The following ZCCHC7 variants were observed in gnomAD, a reference collection of about 807,000 sequenced individuals.
ZCCHC7 encodes zinc finger CCHC domain-containing protein 7.
A neutral mutation model predicts 52.0 loss-of-function variants in ZCCHC7; 35 were observed. That is an observed-to-expected ratio of 0.67 (90% CI 0.51 to 0.89). The LOEUF (loss-of-function observed/expected upper bound fraction) is 0.89. Among genes scored for constraint, ZCCHC7 ranks in the 40% least tolerant of loss-of-function variants. The probability of loss-of-function intolerance (pLI) is 0.00; values close to 1 mark genes in which losing one functional copy is unlikely to be tolerated. For synonymous variants in ZCCHC7, 217 were observed against 221.5 expected (o/e 0.98, Z 0.18); for missense variants, 574 against 649.1 (o/e 0.88, Z 1.26).
At chr9:37,197,815 G>A (rs1823368865) in intron 2 of ZCCHC7, among the ~76,000 whole-genome samples, 1 of 152,112 alleles carries the variant, frequency 6.6e-6, no homozygotes, top group Admixed American at 6.6e-5. Flanking sequence ...ACTATAAGTG[G>A]TTGTCTCTTT....
At chr9:37,319,574 C>T (rs957683734) in intron 5 of ZCCHC7, among the ~76,000 whole-genome samples, 2 of 152,024 alleles carry the variant, frequency 1.3e-5, no homozygotes, top group African/African-American at 4.8e-5. Context: ...ACGACAGGCA[C>T]GTGGCACCAT....
intron 2 of ZCCHC7, among the ~76,000 whole-genome samples, chr9:37,284,526 G>T (rs1346087589): frequency 3.9e-5 from 6 of 151,936 alleles, no homozygotes; most frequent in African/African-American, 1.5e-4. Context: ...CTCCATAAAA[G>T]TATCCTGGTT....
chr9:37,327,288 T>TTTTTAA (rs1335881273), intron 5 of ZCCHC7: 1 of 152,208 alleles, frequency 6.6e-6, no homozygotes, highest in East Asian at 1.9e-4. Flanking sequence ...GTTCTTGTTG[T>TTTTTAA]TTTTAATTCT....
intron 2 of ZCCHC7, among the ~76,000 whole-genome samples, chr9:37,237,014 T>G (rs146073976): frequency 6.6e-6 from 1 of 152,304 alleles, no homozygotes; most frequent in Non-Finnish European, 1.5e-5. Flanking sequence ...CAGTTATTAT[T>G]TCAGTTCCTT....
At chr9:37,181,480 G>C (rs1322320041) in intron 2 of ZCCHC7, among the ~76,000 whole-genome samples, 2 of 152,170 alleles carry the variant, frequency 1.3e-5, no homozygotes, top group African/African-American at 4.8e-5. Flanking sequence ...ATATCCATCA[G>C]TTGATAAATT....
intron 2 of ZCCHC7, among the ~76,000 whole-genome samples, chr9:37,163,338 A>AGAT (rs1452495484): frequency 6.6e-6 from 1 of 150,912 alleles, no homozygotes; most frequent in African/African-American, 2.4e-5. Context: ...CAGTGAGCCA[A>AGAT]GATCATGCCA....
At chr9:37,271,461 C>T (rs1489286272) in intron 2 of ZCCHC7, among the ~76,000 whole-genome samples, 1 of 152,116 alleles carries the variant, frequency 6.6e-6, no homozygotes, top group African/African-American at 2.4e-5. Context: ...ATATATTTAT[C>T]AGGTAATTAT....
At chr9:37,340,300 A>G (rs1820554215) in intron 6 of ZCCHC7, among the ~76,000 whole-genome samples, 1 of 151,986 alleles carries the variant, frequency 6.6e-6, no homozygotes, top group African/African-American at 2.4e-5. Context: ...GATGGGATGG[A>G]CCTTTCATAG....
At chr9:37,248,177 G>T (rs1365524864) in intron 2 of ZCCHC7, among the ~76,000 whole-genome samples, 2 of 152,046 alleles carry the variant, frequency 1.3e-5, no homozygotes, top group Non-Finnish European at 2.9e-5. Flanking sequence ...TACATACTTT[G>T]ACATATTTTC....
chr9:37,127,421 G>A (rs1842591489), intron 2 of ZCCHC7, among the ~76,000 whole-genome samples: 1 of 152,134 alleles, frequency 6.6e-6, no homozygotes, highest in Non-Finnish European at 1.5e-5. Context: ...GTTAGGATTA[G>A]GATTTTAGGT....
At chr9:37,273,327 C>A (rs149648182) in intron 2 of ZCCHC7, among the ~76,000 whole-genome samples, 12,922 of 152,146 alleles carry the variant, frequency 0.085, 755 homozygotes, top group Middle Eastern at 0.16. Context: ...CACAGTGAAA[C>A]CCTGTCTCTA....
At chr9:37,143,163 T>G (rs1351206068) in intron 2 of ZCCHC7, among the ~76,000 whole-genome samples, 1 of 151,824 alleles carries the variant, frequency 6.6e-6, no homozygotes, top group Non-Finnish European at 1.5e-5. Context: ...TTTGAAACTC[T>G]CGTTTTGTAG....
rs869292704 is a variant in ZCCHC7, at chr9:37,306,762, C to CTTTT, written c.951+1087_951+1090dup. ...ACAGGCATGAGCCACTGTACCCGAC[C>CTTTT]TTTTTTTTTTTTTTTTTTTTTTTTT... On this transcript the variant is annotated intron_variant, in intron 5 of 8. Coordinates refer to ENST00000336755, the MANE Select transcript of ZCCHC7 (RefSeq NM_032226.3). Among the ~76,000 whole-genome samples the CTTTT allele has an allele frequency of 1.4e-3, 75 of 52,034 alleles. 20 individuals carry two copies. Among genetic ancestry groups the CTTTT allele is most frequent in the East Asian group, 2.1e-3 (3 of 1,458 alleles). The allele number at this position is 52,034 out of a possible 152,430, so 34.1% of individuals were successfully genotyped here.
At chr9:37,229,290 T>C (rs1391698113) in intron 2 of ZCCHC7, among the ~76,000 whole-genome samples, 1 of 151,976 alleles carries the variant, frequency 6.6e-6, no homozygotes, top group Non-Finnish European at 1.5e-5. Context: ...ACATCAACAT[T>C]TTTCTATGAA....
At chr9:37,299,781 G>A (rs1486671467) in intron 2 of ZCCHC7, among the ~76,000 whole-genome samples, 1 of 152,148 alleles carries the variant, frequency 6.6e-6, no homozygotes, top group Non-Finnish European at 1.5e-5. Flanking sequence ...TTGAAACTTA[G>A]TTTGTATACT....
chr9:37,270,073 A>C (rs1827329546), intron 2 of ZCCHC7, among the ~76,000 whole-genome samples: 1 of 152,214 alleles, frequency 6.6e-6, no homozygotes, highest in Admixed American at 6.5e-5. Flanking sequence ...GACTGAAAAA[A>C]GGCTGTAAAG....
chr9:37,354,915 G>GTAA lies in ZCCHC7; in HGVS notation c.1198+92_1198+93insAAT. Reference sequence around the variant, plus strand: ...TCTTTGCCTGCTTTGGGGGTCATTGGTTAGCATAGAAAGTATTTTTAGTAA... The same window carrying GTAA: ...TCTTTGCCTGCTTTGGGGGTCATTGGTAATTAGCATAGAAAGTATTTTTAGTAA... On this transcript the variant is annotated intron_variant, in intron 8 of 8. Coordinates refer to ENST00000336755, the MANE Select transcript of ZCCHC7 (RefSeq NM_032226.3). This position sits in a 1 kb window ranked among gnomAD's most constrained non-coding sequence, Gnocchi z 4.0. The GTAA allele has an allele frequency of 1.3e-6, 1 of 770,806 alleles. No individual in the cohort carries two copies. Among genetic ancestry groups the GTAA allele is most frequent in the Non-Finnish European group, 2.1e-6 (1 of 486,052 alleles). The allele number at this position is 770,806 out of a possible 1,614,324, so 47.7% of individuals were successfully genotyped here. A position where few individuals can be genotyped will look rare whatever the true frequency, so the allele number is the denominator to read the frequency against.
intron 6 of ZCCHC7, 110 bp downstream of exon 6, chr9:37,327,944 A>C (rs562078881): frequency 1.7e-6 from 2 of 1,190,240 alleles, no homozygotes; most frequent in African/African-American, 3.1e-5. Context: ...GATAATAAAC[A>C]TCTGAAGAGT....
intron 2 of ZCCHC7, among the ~76,000 whole-genome samples, chr9:37,272,019 T>C (rs539398695): frequency 2.6e-5 from 4 of 152,314 alleles, no homozygotes; most frequent in African/African-American, 9.6e-5. Context: ...GCTGGAACTT[T>C]GGGAGTTTAT....
Sources: allele counts gnomAD v4.1 joint callset (sites outside exome capture counted in the v4.1 genomes callset), GRCh38; gene constraint gnomAD v4.1.1; non-coding constraint Gnocchi (gnomAD v3.1); transcripts MANE v1.5; gene names NCBI Gene and HGNC (gene_info 2026-07-23, HGNC 2026-07-21).